The following CDK14 variants were observed in gnomAD, a reference collection of about 807,000 sequenced individuals.
CDK14 encodes the protein cyclin dependent kinase 14.
A neutral mutation model predicts 60.7 loss-of-function variants in CDK14; 34 were observed. That is an observed-to-expected ratio of 0.56 (90% CI 0.43 to 0.75). The LOEUF (loss-of-function observed/expected upper bound fraction) is 0.75, where lower values mean the gene tolerates loss of function less well. Ranked by LOEUF, CDK14 falls within the 30% of genes least tolerant of loss-of-function variation. CDK14 has a pLI of 0.00. For missense variants in CDK14, 482 were observed against 564.1 expected (o/e 0.85, Z 1.47); for synonymous variants, 197 against 203.7 (o/e 0.97, Z 0.28).
chr7:91,068,917 G>A (rs1798057555), intron 11 of CDK14, among the ~76,000 whole-genome samples: 1 of 149,452 alleles, frequency 6.7e-6, no homozygotes, highest in African/African-American at 2.5e-5. Flanking sequence ...TGGGTTCTAT[G>A]TCATATGCAG....
rs780569454 is a variant in CDK14 at position 90,790,570 on chromosome 7, C to T, written c.465-3C>T. On this transcript the variant is annotated splice_region_variant and splice_polypyrimidine_tract_variant and intron_variant, in intron 4 of 14. Transcript: ENST00000380050. ...GAATTCACTTATCTTTCATTTCTCA[C>T]AGGGTAAATGGGAAGTTGGTAGCTC... is the stretch of plus-strand genomic sequence containing the variant. 5 of 1,602,458 alleles carry T rather than the reference C, an allele frequency of 3.1e-6. No individual in the cohort carries two copies. The highest frequency in any genetic ancestry group is 4.3e-6 in the Non-Finnish European group (5 of 1,172,068).
chr7:90,996,560 G>A (rs919213864), intron 10 of CDK14, among the ~76,000 whole-genome samples: 8 of 152,170 alleles, frequency 5.3e-5, no homozygotes, highest in Non-Finnish European at 1.2e-4. Context: ...TTTATTCTAA[G>A]TCAAGTTAAC....
intron 14 of CDK14, among the ~76,000 whole-genome samples, chr7:91,205,353 C>A (rs913988746): frequency 6.6e-6 from 1 of 152,128 alleles, no homozygotes; most frequent in African/African-American, 2.4e-5. Context: ...TATTATTCAA[C>A]CCTAAAAAAT....
chr7:90,809,414 T>G (rs1224339608), intron 5 of CDK14, among the ~76,000 whole-genome samples: 1 of 152,124 alleles, frequency 6.6e-6, no homozygotes, highest in Non-Finnish European at 1.5e-5. Context: ...AGATGTTCTT[T>G]GAAACCAACG....
At chr7:91,104,924 C>T (rs189214467) in intron 12 of CDK14, among the ~76,000 whole-genome samples, 2 of 152,070 alleles carry the variant, frequency 1.3e-5, no homozygotes, top group African/African-American at 2.4e-5. Flanking sequence ...TGTGATTATT[C>T]CAGGGAGAAA....
At chr7:90,607,083 C>T (rs1422238131) in intron 2 of CDK14, among the ~76,000 whole-genome samples, 1 of 152,200 alleles carries the variant, frequency 6.6e-6, no homozygotes, top group Admixed American at 6.5e-5. Flanking sequence ...CCCCAATCAT[C>T]ACGCTTATGA....
chr7:91,162,368 A>G (rs149991371), intron 14 of CDK14, among the ~76,000 whole-genome samples: 41 of 152,302 alleles, frequency 2.7e-4, no homozygotes, highest in East Asian at 1.5e-3. Context: ...GGTGGAAAGA[A>G]TGTTTTTGGG....
At chr7:91,031,423 A>G (rs1796755157) in intron 10 of CDK14, among the ~76,000 whole-genome samples, 1 of 152,206 alleles carries the variant, frequency 6.6e-6, no homozygotes, top group Non-Finnish European at 1.5e-5. Flanking sequence ...TGAAAAAAAA[A>G]TCCCAAAATA....
At chr7:90,845,308 A>C (rs74413953) in intron 5 of CDK14, among the ~76,000 whole-genome samples, 3,294 of 152,200 alleles carry the variant, frequency 0.022, 51 homozygotes, top group Non-Finnish European at 0.033. Flanking sequence ...TTAATGATAG[A>C]TATTACACTA....
chr7:90,627,237 G>A (rs1799894375), intron 2 of CDK14, among the ~76,000 whole-genome samples: 1 of 151,562 alleles, frequency 6.6e-6, no homozygotes, highest in Admixed American at 6.6e-5. Flanking sequence ...TTTTGACAGG[G>A]TCTCCTTTTT....
At chr7:91,068,947 A>G (rs1290223716) in intron 11 of CDK14, among the ~76,000 whole-genome samples, 1 of 151,762 alleles carries the variant, frequency 6.6e-6, no homozygotes, top group Non-Finnish European at 1.5e-5. Context: ...CCTCCAGCAC[A>G]TTCCAGCCTA....
At chr7:90,991,758 T>C (rs903545225) in intron 10 of CDK14, among the ~76,000 whole-genome samples, 4 of 152,182 alleles carry the variant, frequency 2.6e-5, no homozygotes, top group Admixed American at 6.5e-5. Context: ...GGTTAGACTT[T>C]CCATGGTTAT....
chr7:90,672,502 G>GTTTTTTTTTTTTTTTTTTT (rs201978996), intron 2 of CDK14, among the ~76,000 whole-genome samples: 1 of 49,984 alleles, frequency 2.0e-5, no homozygotes, highest in African/African-American at 8.0e-5. Flanking sequence ...TTCTTCTTCT[G>GTTTTTTTTTTTTTTTTTTT]TTTTTTTTTT....
chr7:90,835,233 A>G (rs79539054), intron 5 of CDK14, among the ~76,000 whole-genome samples: 1,851 of 152,268 alleles, frequency 0.012, 50 homozygotes, highest in African/African-American at 0.043. Context: ...TGATAGAGGA[A>G]TTTGTAAGGA....
intron 5 of CDK14, among the ~76,000 whole-genome samples, chr7:90,794,237 A>G (rs1805956654): frequency 6.6e-6 from 1 of 152,206 alleles, no homozygotes; most frequent in Non-Finnish European, 1.5e-5. Flanking sequence ...AAATGGAGGC[A>G]GGGCGAGATC....
At chr7:91,171,420 A>G (rs1455993195) in intron 14 of CDK14, among the ~76,000 whole-genome samples, 2 of 152,164 alleles carry the variant, frequency 1.3e-5, no homozygotes, top group African/African-American at 4.8e-5. Context: ...ATTTGCTATG[A>G]CTAGTGTTGT....
At chr7:91,108,059 G>C (rs1344505994) in intron 12 of CDK14, among the ~76,000 whole-genome samples, 1 of 152,208 alleles carries the variant, frequency 6.6e-6, no homozygotes, top group Non-Finnish European at 1.5e-5. Flanking sequence ...TGTAATCCCA[G>C]TACTTTAGGA....
At chr7:90,990,015 T>TGAATGTTCAA (rs1795485203) in intron 10 of CDK14, among the ~76,000 whole-genome samples, 1 of 152,192 alleles carries the variant, frequency 6.6e-6, no homozygotes, top group Admixed American at 6.5e-5. Flanking sequence ...AAGGTGAGGT[T>TGAATGTTCAA]GAATGTTCAA....
intron 11 of CDK14, among the ~76,000 whole-genome samples, chr7:91,072,573 T>G (rs1189333623): frequency 6.6e-6 from 1 of 152,044 alleles, no homozygotes; most frequent in Non-Finnish European, 1.5e-5. Flanking sequence ...TGAGAAAGAA[T>G]CAACAAAAAG....
Sources: allele counts gnomAD v4.1 joint callset (sites outside exome capture counted in the v4.1 genomes callset), GRCh38; gene constraint gnomAD v4.1.1; transcripts MANE v1.5; gene names NCBI Gene and HGNC (gene_info 2026-07-23, HGNC 2026-07-21).